The following BOLL variants were observed in gnomAD, a reference collection of about 807,000 sequenced individuals.
BOLL encodes protein boule-like.
BOLL carries 23 observed loss-of-function variants against 44.4 expected under a neutral mutation model. That is an observed-to-expected ratio of 0.52 (90% CI 0.37 to 0.73). The LOEUF is 0.73. Ranked by LOEUF, BOLL falls within the 30% of genes least tolerant of loss-of-function variation. The pLI is 0.00. For missense variants in BOLL, 287 were observed against 338.3 expected (o/e 0.85, Z 1.19); for synonymous variants, 97 against 110.8 (o/e 0.88, Z 0.78).
At chr2:197,738,687 G>A (rs1014431533) in intron 10 of BOLL, among the ~76,000 whole-genome samples, 1 of 152,084 alleles carries the variant, frequency 6.6e-6, no homozygotes, top group Non-Finnish European at 1.5e-5. Context: ...TAACATTCAT[G>A]AGTTGTAATC....
At chr2:197,777,265 A>ACT (rs1463100681) in intron 3 of BOLL, 152 bp from the exon 4 acceptor site, 2 of 429,384 alleles carry the variant, frequency 4.7e-6, no homozygotes, top group East Asian at 7.8e-5. Context: ...ATCTTAGAAG[A>ACT]ATCATTCACA....
At chr2:197,751,810 C>A (rs890549429) in intron 9 of BOLL, among the ~76,000 whole-genome samples, 2 of 151,744 alleles carry the variant, frequency 1.3e-5, no homozygotes, top group East Asian at 1.9e-4. Context: ...CCAGCATCAT[C>A]CTGATACCAA....
At chr2:197,767,744 A>G (rs1689058186) in intron 6 of BOLL, among the ~76,000 whole-genome samples, 1 of 151,988 alleles carries the variant, frequency 6.6e-6, no homozygotes, top group Admixed American at 6.6e-5. Context: ...CAAAGAAATA[A>G]TCTGGCTCAA....
chr2:197,771,105 C>T (rs1689231313), intron 6 of BOLL, among the ~76,000 whole-genome samples: 2 of 151,974 alleles, frequency 1.3e-5, no homozygotes, highest in Admixed American at 1.3e-4. Flanking sequence ...ACCCAAATGC[C>T]CATCAATGAT....
At chr2:197,781,584 A>G (rs1018622815) in intron 2 of BOLL, 138 bp downstream of exon 2, 3 of 903,882 alleles carry the variant, frequency 3.3e-6, no homozygotes, top group African/African-American at 3.4e-5. Context: ...GGTTGAAAAG[A>G]TTCTTTATAA....
intron 6 of BOLL, among the ~76,000 whole-genome samples, chr2:197,768,132 T>C (rs1013682435): frequency 6.6e-6 from 1 of 152,008 alleles, no homozygotes; most frequent in Non-Finnish European, 1.5e-5. Context: ...AAAACAGCAT[T>C]CATTAAAGCA....
chr2:197,755,302 T>C (rs761360578), intron 9 of BOLL, among the ~76,000 whole-genome samples: 13 of 152,208 alleles, frequency 8.5e-5, no homozygotes, highest in Non-Finnish European at 1.3e-4. Flanking sequence ...GGTGGAAATG[T>C]AAATTAGTTC....
intron 10 of BOLL, among the ~76,000 whole-genome samples, chr2:197,729,252 C>CA (rs2106303401): frequency 1.3e-5 from 2 of 152,290 alleles, no homozygotes; most frequent in Non-Finnish European, 2.9e-5. Flanking sequence ...CTGCGCTTTT[C>CA]CGACGGGCTT....
intron 6 of BOLL, among the ~76,000 whole-genome samples, chr2:197,767,689 G>A (rs149659819): frequency 1.3e-5 from 2 of 151,882 alleles, no homozygotes; most frequent in East Asian, 3.9e-4. Context: ...GGGAGCCTAG[G>A]GATACTTCTA....
intron 9 of BOLL, among the ~76,000 whole-genome samples, chr2:197,749,485 T>C (rs572326410): frequency 6.4e-4 from 98 of 151,954 alleles, no homozygotes; most frequent in African/African-American, 2.2e-3. Flanking sequence ...CTAAGAACCT[T>C]GATAAAAGGT....
rs1226555326 is a variant in BOLL, at chr2:197,781,737, T to G, written c.114A>C (p.Gly38=). ...GTVIPNRIFV[G]GIDFKTNESD... Reference sequence around the variant, plus strand: ...AAATAGGTACCTTAAAATCAATTCCTCCTACAAAGATGCGATTAGGGATCA... The same window carrying G: ...AAATAGGTACCTTAAAATCAATTCCGCCTACAAAGATGCGATTAGGGATCA... The change falls in exon 2 of 11, where the codon GGA becomes GGC. Residue 38 remains glycine, a synonymous_variant. Coordinates refer to ENST00000392296, the MANE Select transcript of BOLL (RefSeq NM_033030.6). 1 of 1,562,940 alleles carries G rather than the reference T, an allele frequency of 6.4e-7. No homozygotes were observed. Among genetic ancestry groups the G allele is most frequent in the Admixed American group, 1.7e-5 (1 of 58,758 alleles).
intron 9 of BOLL, among the ~76,000 whole-genome samples, chr2:197,748,537 G>C (rs901665853): frequency 2.0e-5 from 3 of 152,212 alleles, no homozygotes; most frequent in Non-Finnish European, 4.4e-5. Context: ...GGATGCTCAG[G>C]CTTGGTCAGG....
chr2:197,762,026 C>T (rs922901363), intron 7 of BOLL, among the ~76,000 whole-genome samples: 2 of 152,166 alleles, frequency 1.3e-5, no homozygotes, highest in Admixed American at 1.3e-4. Context: ...ACACCCCACT[C>T]TCAGCATTGG....
In BOLL at chr2:197,771,988, G is replaced by A; in HGVS notation, c.353-6C>T. The A allele has an allele frequency of 1.3e-5, 20 of 1,549,794 alleles. No homozygotes were observed. Among genetic ancestry groups the A allele is most frequent in the Non-Finnish European group, 1.6e-5 (18 of 1,142,158 alleles). On this transcript the variant is annotated splice_region_variant and splice_polypyrimidine_tract_variant and intron_variant, in intron 5 of 10. Transcript: ENST00000392296. ...TGCTGGCATTATACTAGAACCTAAA[G>A]CAAAGATTAAATAATAATAATTGAA...
rs555126144 is a variant in BOLL at position 197,785,057 on chromosome 2, G to A, written c.-17C>T. On this transcript the variant is annotated splice_region_variant and 5_prime_UTR_variant, in exon 1 of 11. In the 5' UTR this introduces an upstream ATG that the reference lacks. Transcript: ENST00000392296. The surrounding 1 kb of genome is among the most constrained non-coding windows in gnomAD (Gnocchi z 6.7). ...GACAGCAGGAACGGGCGGGCTAACC[G>A]TCGCAGTCACTGCCTCGGCGCTCCT... is the stretch of plus-strand genomic sequence containing the variant. 3 of 986,006 alleles carry A rather than the reference G, an allele frequency of 3.0e-6. No homozygotes were observed. Among genetic ancestry groups the A allele is most frequent in the Admixed American group, 1.2e-4 (2 of 16,292 alleles). The allele number at this position is 986,006 out of a possible 1,614,324, so 61.1% of individuals were successfully genotyped here.
chr2:197,757,478 T>C, intron 7 of BOLL, 78 bp from the exon 8 acceptor site: 2 of 1,296,030 alleles, frequency 1.5e-6, no homozygotes, highest in South Asian at 2.6e-5. Context: ...CAGGCAAAAA[T>C]ATGAAGTTGG....
At chr2:197,777,217 T>A in intron 3 of BOLL, 104 bp from the exon 4 acceptor site, 1 of 644,128 alleles carries the variant, frequency 1.6e-6, no homozygotes, top group Non-Finnish European at 2.4e-6. Context: ...TCGGCCACTG[T>A]AGGAGTAGGC....
intron 9 of BOLL, among the ~76,000 whole-genome samples, chr2:197,748,123 C>G (rs1401985580): frequency 6.6e-6 from 1 of 152,176 alleles, no homozygotes; most frequent in East Asian, 1.9e-4. Flanking sequence ...TGGGGCGTCA[C>G]CTCACCCGGG....
chr2:197,729,926 G>A (rs1435240609), intron 10 of BOLL, among the ~76,000 whole-genome samples: 18 of 152,038 alleles, frequency 1.2e-4, no homozygotes, highest in East Asian at 5.8e-4. Flanking sequence ...CCAAAGGAAC[G>A]CAGTTCCTCA....
Sources: gnomAD v4.1 joint callset for allele counts (sites outside exome capture counted in the v4.1 genomes callset) on GRCh38, gnomAD v4.1.1 for gene constraint, Gnocchi (gnomAD v3.1) non-coding constraint, MANE v1.5 for transcripts, NCBI Gene and HGNC (gene_info 2026-07-23, HGNC 2026-07-21) for gene names.